CREBBP: variants seen among roughly 807,000 people sequenced by gnomAD.
The protein encoded by CREBBP is CREB-binding protein.
Under a neutral mutation model 265.0 loss-of-function variants are expected in CREBBP, and 19 were observed. The observed-to-expected ratio is 0.07, with a 90% CI of 0.05 to 0.11. The LOEUF is 0.11. CREBBP is among the 10% of genes least tolerant of loss of function. The probability of loss-of-function intolerance (pLI) is 1.00; values close to 1 mark genes in which losing one functional copy is unlikely to be tolerated. For missense variants in CREBBP, 2,525 were observed against 3,219.0 expected (o/e 0.78, Z 5.22); for synonymous variants, 1,457 against 1,223.7 (o/e 1.19, Z -3.98).
intron 3 of CREBBP, among the ~76,000 whole-genome samples, chr16:3,810,165 T>C (rs577345589): frequency 3.0e-4 from 46 of 152,316 alleles, no homozygotes; most frequent in Non-Finnish European, 6.2e-4. Flanking sequence ...ATCTATTGTG[T>C]TGGACGTAAT....
At chr16:3,842,502 A>G (rs1235013210) in intron 2 of CREBBP, among the ~76,000 whole-genome samples, 2 of 152,194 alleles carry the variant, frequency 1.3e-5, no homozygotes, top group Admixed American at 6.5e-5. Context: ...AAGTTTTGCT[A>G]CTGTTGAAAT....
chr16:3,789,180 G>C (rs141769000), intron 5 of CREBBP, among the ~76,000 whole-genome samples: 46 of 152,178 alleles, frequency 3.0e-4, no homozygotes, highest in Non-Finnish European at 5.9e-4. Context: ...AAAAAGCAGA[G>C]TCCCGGGGCC....
chr16:3,832,051 C>T (rs1001141254), intron 2 of CREBBP, among the ~76,000 whole-genome samples: 9 of 151,484 alleles, frequency 5.9e-5, no homozygotes, highest in African/African-American at 1.7e-4. Flanking sequence ...GTTATGAACA[C>T]CTTCATGCCA....
intron 19 of CREBBP, among the ~76,000 whole-genome samples, chr16:3,752,321 A>G (rs2052492830): frequency 6.6e-6 from 1 of 152,204 alleles, no homozygotes; most frequent in South Asian, 2.1e-4. Flanking sequence ...AGCAATTTAA[A>G]CTGAAATAGC....
intron 7 of CREBBP, 87 bp from the exon 8 acceptor site, chr16:3,780,965 G>GACTTAA: frequency 6.6e-7 from 1 of 1,509,298 alleles, no homozygotes; most frequent in Non-Finnish European, 9.1e-7. Flanking sequence ...CACCACATGT[G>GACTTAA]ACTTTTAAAA....
At chr16:3,821,826 T>C (rs2054146495) in intron 2 of CREBBP, among the ~76,000 whole-genome samples, 2 of 152,254 alleles carry the variant, frequency 1.3e-5, no homozygotes, top group South Asian at 4.1e-4. Context: ...GGTCAGGAGT[T>C]GGAGACCCGC....
intron 21 of CREBBP, among the ~76,000 whole-genome samples, chr16:3,747,961 A>T (rs2052383140): frequency 6.6e-6 from 1 of 152,192 alleles, no homozygotes; most frequent in Non-Finnish European, 1.5e-5. Flanking sequence ...GTGGTGGCAC[A>T]TGCCTGTAAT....
intron 19 of CREBBP, among the ~76,000 whole-genome samples, chr16:3,756,594 C>T (rs796167591): frequency 2.6e-5 from 4 of 152,308 alleles, no homozygotes; most frequent in African/African-American, 9.6e-5. Context: ...AACAGAATCA[C>T]ATTCTTGAAC....
chr16:3,782,930 T>C lies in CREBBP; in HGVS notation c.1331-4A>G, dbSNP rs756291909. ...CTAGCTGGAGACCCCAGGATGGCTATAACGACAAACAGACAGACAGACAAA... is the reference window on the plus strand; with the variant it reads ...CTAGCTGGAGACCCCAGGATGGCTACAACGACAAACAGACAGACAGACAAA... On this transcript the variant is annotated splice_polypyrimidine_tract_variant and splice_region_variant and intron_variant, in intron 5 of 30. Transcript: ENST00000262367. 35 of 1,613,968 alleles carry C rather than the reference T, an allele frequency of 2.2e-5. No individual in the cohort carries two copies. The highest frequency in any genetic ancestry group is 5.0e-5 in the Admixed American group (3 of 59,996).
intron 5 of CREBBP, among the ~76,000 whole-genome samples, chr16:3,787,012 G>A (rs1205531018): frequency 5.9e-5 from 9 of 151,364 alleles, no homozygotes; most frequent in Non-Finnish European, 1.0e-4. Flanking sequence ...CGGAGGTTGC[G>A]GTGAACTAAG....
At chr16:3,867,559 T>C (rs1199229550) in intron 1 of CREBBP, among the ~76,000 whole-genome samples, 1 of 152,108 alleles carries the variant, frequency 6.6e-6, no homozygotes, top group Non-Finnish European at 1.5e-5. Context: ...AAAATTGTTT[T>C]GTGTTATTTA....
chr16:3,767,111 A>G (rs2052873769), intron 16 of CREBBP, among the ~76,000 whole-genome samples: 1 of 152,112 alleles, frequency 6.6e-6, no homozygotes, highest in Non-Finnish European at 1.5e-5. Context: ...TACTGTGGAT[A>G]CATCTCAAAT....
chr16:3,837,482 G>A (rs1597029859), intron 2 of CREBBP, among the ~76,000 whole-genome samples: 4 of 151,922 alleles, frequency 2.6e-5, no homozygotes, highest in South Asian at 2.1e-4. Flanking sequence ...TGGGCGTGGC[G>A]GCATGCACCT....
intron 3 of CREBBP, among the ~76,000 whole-genome samples, chr16:3,806,478 C>T (rs1159116212): frequency 3.3e-5 from 5 of 151,850 alleles, no homozygotes; most frequent in Non-Finnish European, 5.9e-5. Context: ...ATCACACCTA[C>T]GAACTCCACA....
At chr16:3,870,681 C>G (rs1230699964) in intron 1 of CREBBP, among the ~76,000 whole-genome samples, 1 of 152,196 alleles carries the variant, frequency 6.6e-6, no homozygotes, top group East Asian at 1.9e-4. Flanking sequence ...AGAAGCTTCC[C>G]ATGTATTCAG....
intron 3 of CREBBP, among the ~76,000 whole-genome samples, chr16:3,798,356 G>C (rs2053647938): frequency 6.6e-6 from 1 of 152,134 alleles, no homozygotes; most frequent in South Asian, 2.1e-4. Flanking sequence ...ATGCTTCAAA[G>C]GATACCATTA....
intron 21 of CREBBP, among the ~76,000 whole-genome samples, chr16:3,746,885 C>T (rs981359238): frequency 1.3e-5 from 2 of 152,164 alleles, no homozygotes; most frequent in Admixed American, 1.3e-4. Flanking sequence ...GTTGTGGCTG[C>T]AGTGAGCTAT....
intron 1 of CREBBP, among the ~76,000 whole-genome samples, chr16:3,852,085 T>C (rs1199523529): frequency 7.8e-6 from 1 of 128,260 alleles, no homozygotes; most frequent in Admixed American, 8.1e-5. Context: ...AGAATGTATG[T>C]GTGTAACAAA....
At chr16:3,730,111 C>T (rs1228712529) in intron 30 of CREBBP, among the ~76,000 whole-genome samples, 1 of 152,086 alleles carries the variant, frequency 6.6e-6, no homozygotes, top group Non-Finnish European at 1.5e-5. Flanking sequence ...ATGGACAGGA[C>T]GGGGGCATGG....
Sources: allele counts gnomAD v4.1 joint callset (sites outside exome capture counted in the v4.1 genomes callset), GRCh38; gene constraint gnomAD v4.1.1; transcripts MANE v1.5; gene names NCBI Gene and HGNC (gene_info 2026-07-23, HGNC 2026-07-21).